The following STARD13 variants were observed in gnomAD, a reference collection of about 807,000 sequenced individuals.
The protein encoded by STARD13 is StAR related lipid transfer domain containing 13.
In STARD13, 62 loss-of-function variants were observed where a neutral mutation model predicts 106.4. That is an observed-to-expected ratio of 0.58 (90% confidence interval 0.48 to 0.72). The LOEUF (loss-of-function observed/expected upper bound fraction) is 0.72, where lower values mean the gene tolerates loss of function less well. Among genes scored for constraint, STARD13 ranks in the 30% least tolerant of loss-of-function variants. STARD13 has a pLI of 0.00. For synonymous variants in STARD13, 565 were observed against 553.0 expected, an observed-to-expected ratio of 1.02 and a Z score of -0.31; for missense variants, 1,387 against 1,424.0, an observed-to-expected ratio of 0.97 and a Z score of 0.42.
chr13:33,225,284 A>G (rs796565053), intron 1 of STARD13, among the ~76,000 whole-genome samples: 4 of 152,318 alleles, frequency 2.6e-5, no homozygotes, highest in African/African-American at 9.6e-5. Flanking sequence ...TCCTGACCTC[A>G]GGCAGCTGTG....
chr13:33,446,490 G>A, the STARD13 span, among the ~76,000 whole-genome samples: 6 of 151,138 alleles, frequency 4.0e-5, no homozygotes, highest in Non-Finnish European at 8.8e-5. Context: ...TTTTATTTTT[G>A]TTTAATCTTC....
the STARD13 span, among the ~76,000 whole-genome samples, chr13:33,420,210 A>T: frequency 3.9e-5 from 6 of 152,088 alleles, no homozygotes; most frequent in Non-Finnish European, 5.9e-5. Context: ...CAGGAGACCC[A>T]TCTCATGTGC....
chr13:33,635,843 G>C, the STARD13 span, among the ~76,000 whole-genome samples: 3 of 151,618 alleles, frequency 2.0e-5, no homozygotes, highest in South Asian at 6.3e-4. Context: ...AATTAGCCGG[G>C]TGTGGTGGCG....
At chr13:33,430,694 T>C in the STARD13 span, among the ~76,000 whole-genome samples, 2 of 152,120 alleles carry the variant, frequency 1.3e-5, no homozygotes. Flanking sequence ...AATGGATAAA[T>C]GGATAAAGAA....
At chr13:33,464,955 C>T in the STARD13 span, among the ~76,000 whole-genome samples, 1 of 152,082 alleles carries the variant, frequency 6.6e-6, no homozygotes, top group African/African-American at 2.4e-5. Flanking sequence ...CCATTAAAAC[C>T]TTAGGTTTTT....
At chr13:33,110,972 G>C in intron 10 of STARD13, 65 bp from the exon 11 acceptor site, 1 of 1,444,118 alleles carries the variant, frequency 6.9e-7, no homozygotes, top group Non-Finnish European at 9.7e-7. Context: ...CTCAAAGAAA[G>C]CAAAGCCATT....
the STARD13 span, among the ~76,000 whole-genome samples, chr13:33,483,246 T>C: frequency 2.6e-5 from 4 of 152,340 alleles, no homozygotes; most frequent in Admixed American, 6.5e-5. Context: ...TAAGACCATG[T>C]GGTCCAAACT....
chr13:33,464,120 CA>C, the STARD13 span, among the ~76,000 whole-genome samples: 5 of 150,280 alleles, frequency 3.3e-5, no homozygotes, highest in African/African-American at 1.2e-4. Flanking sequence ...ATATATTCAT[CA>C]ACTAGTGTGA....
the STARD13 span, among the ~76,000 whole-genome samples, chr13:33,381,671 C>T: frequency 1.5e-3 from 224 of 152,136 alleles, 1 homozygote; most frequent in African/African-American, 5.1e-3. Flanking sequence ...ACCCAGGAGG[C>T]GGAGGTTGCA....
At chr13:33,312,566 G>A (rs1893181363) in intron 1 of STARD13, among the ~76,000 whole-genome samples, 1 of 152,102 alleles carries the variant, frequency 6.6e-6, no homozygotes, top group Non-Finnish European at 1.5e-5. Context: ...ATTAAAACAA[G>A]GAGAAAAATG....
At chr13:33,230,483 A>G (rs960091496) in intron 1 of STARD13, among the ~76,000 whole-genome samples, 1 of 152,214 alleles carries the variant, frequency 6.6e-6, no homozygotes, top group Non-Finnish European at 1.5e-5. Flanking sequence ...AAAAATCTTC[A>G]TTTTAAACAA....
the STARD13 span, among the ~76,000 whole-genome samples, chr13:33,612,494 C>T: frequency 6.6e-6 from 1 of 152,252 alleles, no homozygotes; most frequent in East Asian, 1.9e-4. Flanking sequence ...GCCAGGGGCA[C>T]AGCCTCCTGG....
At chr13:33,332,049 G>T (rs1027649953) in intron 1 of STARD13, among the ~76,000 whole-genome samples, 1 of 152,062 alleles carries the variant, frequency 6.6e-6, no homozygotes, top group African/African-American at 2.4e-5. Flanking sequence ...CAGGTGAATT[G>T]CTCACAGCAA....
the STARD13 span, among the ~76,000 whole-genome samples, chr13:33,621,100 G>A: frequency 6.6e-6 from 1 of 151,752 alleles, no homozygotes; most frequent in South Asian, 2.1e-4. Context: ...TAAACTTAAA[G>A]TAGAAGAGTG....
intron 1 of STARD13, among the ~76,000 whole-genome samples, chr13:33,268,244 G>A (rs954317532): frequency 1.3e-5 from 2 of 152,136 alleles, no homozygotes; most frequent in African/African-American, 2.4e-5. Context: ...TTTCTAAGCT[G>A]CCCTTGTTAT....
intron 1 of STARD13, chr13:33,280,777 C>T (rs989179763): frequency 3.3e-5 from 5 of 152,178 alleles, no homozygotes; most frequent in African/African-American, 1.2e-4. Context: ...TAAGGTAATA[C>T]TTGTGATTGC....
chr13:33,165,272 C>T, intron 3 of STARD13, 65 bp downstream of exon 3: 2 of 1,228,878 alleles, frequency 1.6e-6, no homozygotes, highest in Middle Eastern at 1.9e-4. Context: ...GCTCGCCCTT[C>T]AGTATAGTGA....
At chr13:33,611,083 G>C in the STARD13 span, 1 of 152,224 alleles carries the variant, frequency 6.6e-6, no homozygotes, top group Non-Finnish European at 1.5e-5. Context: ...GTAACCCGGG[G>C]GAGAGACACC....
At chr13:33,475,262 A>T in the STARD13 span, among the ~76,000 whole-genome samples, 1 of 152,298 alleles carries the variant, frequency 6.6e-6, no homozygotes, top group African/African-American at 2.4e-5. Flanking sequence ...GTTACTAAGA[A>T]TAAGAATTCT....
Sources: gnomAD v4.1 joint callset for allele counts (sites outside exome capture counted in the v4.1 genomes callset) on GRCh38, gnomAD v4.1.1 for gene constraint, MANE v1.5 for transcripts, NCBI Gene and HGNC (gene_info 2026-07-23, HGNC 2026-07-21) for gene names.